C9orf72: variants seen among roughly 807,000 people sequenced by gnomAD.
The protein encoded by C9orf72 is guanine nucleotide exchange factor C9orf72.
A neutral mutation model predicts 51.6 loss-of-function variants in C9orf72; 44 were observed. The ratio of observed to expected loss-of-function variants is 0.85; its 90% CI spans 0.67 to 1.10. C9orf72 has a LOEUF of 1.10. Ranked by LOEUF, C9orf72 falls within the 50% of genes least tolerant of loss-of-function variation. C9orf72 has a pLI of 0.00. For missense variants in C9orf72, 607 were observed against 570.6 expected, an observed-to-expected ratio of 1.06 and a Z score of -0.65; for synonymous variants, 213 against 194.2, an observed-to-expected ratio of 1.10 and a Z score of -0.81.
intron 1 of C9orf72, among the ~76,000 whole-genome samples, chr9:27,570,770 G>A (rs1819568996): frequency 1.3e-5 from 2 of 152,156 alleles, no homozygotes; most frequent in South Asian, 4.1e-4. Context: ...GGGAGGCTGA[G>A]GCAGGAGAAT....
At position 27,546,657 on chromosome 9, in the gene C9orf72, A is replaced by T. The variant is rs1820775171; in HGVS notation, c.*1579T>A. ...CACTGTACAACTTACATTCTGTATA[A>T]CAGTACAATAAACCAGCCAAAGAAA... is the stretch of plus-strand genomic sequence containing the variant. On this transcript the variant is annotated 3_prime_UTR_variant, in exon 11 of 11. Transcript: ENST00000380003. 1 of 152,218 alleles carries T rather than the reference A, an allele frequency of 6.6e-6. No homozygotes were observed. Among genetic ancestry groups the T allele is most frequent in the Non-Finnish European group, 1.5e-5 (1 of 68,026 alleles). The allele number at this position is 152,218 out of a possible 1,614,324, so 9.4% of individuals were successfully genotyped here.
At chr9:27,554,481 T>C in intron 8 of C9orf72, 1 of 397,330 alleles carries the variant, frequency 2.5e-6, no homozygotes. Context: ...CACCAGGGCC[T>C]ACTTGAGGGT....
chr9:27,571,582 A>G (rs1819587397), intron 1 of C9orf72, among the ~76,000 whole-genome samples: 2 of 152,020 alleles, frequency 1.3e-5, no homozygotes, highest in African/African-American at 4.8e-5. Flanking sequence ...CAGCCTCCCA[A>G]GTAGCTAGGA....
Position 27,546,949 on chromosome 9 carries a change from T to C in C9orf72, c.*1287A>G, listed in dbSNP as rs1820781742. 1 of 152,234 alleles carries C rather than the reference T, an allele frequency of 6.6e-6. No homozygotes were observed. The highest frequency in any genetic ancestry group is 2.4e-5 in the African/African-American group (1 of 41,462). The allele number at this position is 152,234 out of a possible 1,614,324, so 9.4% of individuals were successfully genotyped here. A position where few individuals can be genotyped will look rare whatever the true frequency, so the allele number is the denominator to read the frequency against. On this transcript the variant is annotated 3_prime_UTR_variant, in exon 11 of 11. Coordinates refer to ENST00000380003, the MANE Select transcript of C9orf72 (RefSeq NM_018325.5). Reference sequence around the variant, plus strand: ...GGCTCTATTACCTTTATCCCTTTCTTATAAATATATTTTCCCTTTTATATT... The same window carrying C: ...GGCTCTATTACCTTTATCCCTTTCTCATAAATATATTTTCCCTTTTATATT...
intron 1 of C9orf72, among the ~76,000 whole-genome samples, chr9:27,572,782 C>T (rs994294657): frequency 3.3e-5 from 5 of 152,176 alleles, no homozygotes; most frequent in South Asian, 2.1e-4. Flanking sequence ...TCAAGTGATG[C>T]CCAAGTCACA....
chr9:27,551,693 A>C (rs1820912042), intron 8 of C9orf72, among the ~76,000 whole-genome samples: 1 of 152,264 alleles, frequency 6.6e-6, no homozygotes, highest in East Asian at 1.9e-4. Context: ...GGGCACTGAT[A>C]GTGCCCCTTC....
chr9:27,558,567 C>G lies in C9orf72; in HGVS notation c.779G>C (p.Arg260Thr). ...TLCLFLTPAE[R>T]KCSRLCEAES... The stretch of plus-strand genomic sequence containing the variant: ...TGCTTCACATAACCTGGAGCATTTT[C>G]TCTCTGCTGGAGTCAGAAAAAGGCA... The change falls in exon 7 of 11, where the codon AGA (arginine) becomes ACA (threonine). Residue 260 changes from arginine to threonine, a missense_variant. By Grantham distance (71) the Arg-to-Thr change is moderately conservative. Coordinates refer to ENST00000380003, the MANE Select transcript of C9orf72 (RefSeq NM_018325.5). The G allele has an allele frequency of 6.2e-7, 1 of 1,608,638 alleles. No homozygotes were observed. Among genetic ancestry groups the G allele is most frequent in the Non-Finnish European group, 8.5e-7 (1 of 1,177,618 alleles).
intron 1 of C9orf72, among the ~76,000 whole-genome samples, chr9:27,572,364 G>T (rs563356920): frequency 6.6e-6 from 1 of 152,052 alleles, no homozygotes; most frequent in African/African-American, 2.4e-5. Context: ...CTGACTCCAG[G>T]TTATTAATAT....
chr9:27,557,605 TGA>T (rs2131535037), intron 7 of C9orf72, among the ~76,000 whole-genome samples: 1 of 152,216 alleles, frequency 6.6e-6, no homozygotes, highest in East Asian at 1.9e-4. Context: ...TATAATTAAA[TGA>T]GAGGGTGCTG....
intron 5 of C9orf72, chr9:27,560,829 A>T (rs1819325505): frequency 4.4e-6 from 4 of 906,556 alleles, no homozygotes; most frequent in Non-Finnish European, 5.3e-6. Flanking sequence ...AATTTCATGA[A>T]AATCTGTAAC....
chr9:27,565,388 C>T, intron 3 of C9orf72, 143 bp downstream of exon 3: 1 of 418,844 alleles, frequency 2.4e-6, no homozygotes, highest in Non-Finnish European at 4.3e-6. Context: ...GGAAATCTTC[C>T]TCCAGTTTAT....
In C9orf72 at chr9:27,567,292, A is replaced by G. The variant is rs1587319282; in HGVS notation, c.-44-128T>C. 9.8e-6 allele frequency: 6 copies of G among 611,266 alleles called. 1 individual carries two copies. The highest frequency in any genetic ancestry group is 8.0e-5 in the South Asian group (4 of 49,972). 37.9% of individuals were successfully genotyped at this position (611,266 alleles called of 1,614,324 possible). ...AAGATGTGGAATCCTGTTATCTCCT[A>G]TCAGGATAAAGACATTCAACTAGCA... On this transcript the variant is annotated intron_variant, in intron 1 of 10. Coordinates refer to ENST00000380003, the MANE Select transcript of C9orf72 (RefSeq NM_018325.5).
intron 1 of C9orf72, among the ~76,000 whole-genome samples, chr9:27,568,338 T>C (rs1167604884): frequency 2.0e-5 from 3 of 152,184 alleles, no homozygotes; most frequent in Non-Finnish European, 2.9e-5. Context: ...TTAAAAGCTT[T>C]AGTTATTTAG....
At chr9:27,561,326 C>T in intron 5 of C9orf72, 1 of 1,226,032 alleles carries the variant, frequency 8.2e-7, no homozygotes, top group Non-Finnish European at 1.0e-6. Context: ...AACAAGAAAC[C>T]AGAATCAAGC....
chr9:27,558,969 A>C (rs557991370), intron 6 of C9orf72: 1 of 157,114 alleles, frequency 6.4e-6, no homozygotes, highest in South Asian at 1.9e-4. Context: ...ATTCGTTGTA[A>C]GAAATATCAA....
chr9:27,573,015 C>T (rs968738299), intron 1 of C9orf72, among the ~76,000 whole-genome samples: 4 of 152,192 alleles, frequency 2.6e-5, no homozygotes, highest in Admixed American at 1.3e-4. Flanking sequence ...TCCTAGCGAA[C>T]CCCGACTTGG....
chr9:27,559,082 T>G (rs1230637037), intron 6 of C9orf72: 1 of 152,870 alleles, frequency 6.5e-6, no homozygotes. Flanking sequence ...TAATAATATT[T>G]GACCTACAGC....
chr9:27,556,092 A>G (rs1819188665), intron 8 of C9orf72, among the ~76,000 whole-genome samples: 1 of 151,898 alleles, frequency 6.6e-6, no homozygotes, highest in South Asian at 2.1e-4. Flanking sequence ...TATAAAATGC[A>G]AAGTAAAAAA....
chr9:27,551,748 C>G (rs1024466271), intron 8 of C9orf72, among the ~76,000 whole-genome samples: 2 of 152,164 alleles, frequency 1.3e-5, no homozygotes, highest in East Asian at 3.8e-4. Context: ...ATCGAGTGGA[C>G]TTATTATACC....
Sources: gnomAD v4.1 joint callset for allele counts (sites outside exome capture counted in the v4.1 genomes callset) on GRCh38, gnomAD v4.1.1 for gene constraint, MANE v1.5 for transcripts, NCBI Gene and HGNC (gene_info 2026-07-23, HGNC 2026-07-21) for gene names.